Variants in PTPRD observed in about 807,000 individuals in gnomAD.
The protein encoded by PTPRD is receptor-type tyrosine-protein phosphatase delta.
In PTPRD, 34 loss-of-function variants were observed where a neutral mutation model predicts 214.5. The ratio of observed to expected loss-of-function variants is 0.16; its 90% CI spans 0.12 to 0.21. The LOEUF is 0.21. PTPRD is among the 10% of genes least tolerant of loss of function. The pLI is 1.00. For missense variants in PTPRD, 2,545 were observed against 2,398.7 expected (o/e 1.06, Z -1.27); for synonymous variants, 1,128 against 845.7 (o/e 1.33, Z -5.79).
intron 14 of PTPRD, among the ~76,000 whole-genome samples, chr9:8,575,468 T>C (rs1378040943): frequency 6.6e-6 from 1 of 152,140 alleles, no homozygotes; most frequent in Non-Finnish European, 1.5e-5. Context: ...TCTTTGCCTG[T>C]TGCTGTCTTA....
At chr9:9,925,669 G>T (rs1176428844) in intron 5 of PTPRD, among the ~76,000 whole-genome samples, 1 of 151,652 alleles carries the variant, frequency 6.6e-6, no homozygotes, top group African/African-American at 2.4e-5. Context: ...TAACTAAACT[G>T]AGATTATTCC....
chr9:9,552,306 C>T (rs1041657284), intron 8 of PTPRD, among the ~76,000 whole-genome samples: 1 of 151,926 alleles, frequency 6.6e-6, no homozygotes, highest in African/African-American at 2.4e-5. Context: ...TCAAGTCAGT[C>T]ATTGTTTTTG....
intron 10 of PTPRD, among the ~76,000 whole-genome samples, chr9:9,076,911 T>A (rs565836650): frequency 1.8e-4 from 27 of 152,100 alleles, no homozygotes; most frequent in African/African-American, 6.3e-4. Flanking sequence ...CTAATTTACA[T>A]TCCTACCAAC....
intron 10 of PTPRD, among the ~76,000 whole-genome samples, chr9:9,156,656 T>G (rs1054455480): frequency 2.0e-5 from 3 of 152,102 alleles, no homozygotes; most frequent in Non-Finnish European, 4.4e-5. Flanking sequence ...GTATTTTTGC[T>G]CACATCAAAA....
chr9:10,093,335 T>C (rs1382254489), intron 3 of PTPRD, among the ~76,000 whole-genome samples: 2 of 151,186 alleles, frequency 1.3e-5, no homozygotes, highest in Non-Finnish European at 3.0e-5. Context: ...CCAACAAACA[T>C]GAAAAAAATC....
chr9:10,277,932 G>A (rs1403534037), intron 3 of PTPRD, among the ~76,000 whole-genome samples: 1 of 152,156 alleles, frequency 6.6e-6, no homozygotes, highest in Non-Finnish European at 1.5e-5. Context: ...GGTGAGGCGG[G>A]CGGATCATGA....
In PTPRD at chr9:10,494,697, C is replaced by T. The variant is rs1049684471; in HGVS notation, c.-600+117701G>A. On this transcript the variant is annotated intron_variant, in intron 2 of 45. Coordinates refer to ENST00000381196, the MANE Select transcript of PTPRD (RefSeq NM_002839.4). The stretch of plus-strand genomic sequence containing the variant: ...TAAAACTTAAAAAAATTTTCTATTA[C>T]GGTATAAATGTAAGATGTTATTTAA... Among the ~76,000 whole-genome samples the T allele has an allele frequency of 5.2e-4, 77 of 149,146 alleles. 1 individual carries two copies. Among genetic ancestry groups the T allele is most frequent in the African/African-American group, 1.6e-3 (66 of 40,738 alleles).
chr9:8,375,491 G>T (rs2134745173), intron 39 of PTPRD, among the ~76,000 whole-genome samples: 1 of 152,072 alleles, frequency 6.6e-6, no homozygotes, highest in East Asian at 1.9e-4. Context: ...TAAGCAATAA[G>T]ATAGTCTCCC....
intron 5 of PTPRD, among the ~76,000 whole-genome samples, chr9:9,831,353 C>T (rs1055894557): frequency 6.6e-6 from 1 of 151,882 alleles, no homozygotes; most frequent in Non-Finnish European, 1.5e-5. Flanking sequence ...AAATTAAATC[C>T]TATTACTTAT....
intron 2 of PTPRD, among the ~76,000 whole-genome samples, chr9:10,564,716 T>A (rs914312529): frequency 1.3e-5 from 2 of 152,186 alleles, no homozygotes; most frequent in African/African-American, 4.8e-5. Context: ...CCTTTTGCTG[T>A]TCTAGCCTTT....
chr9:9,075,976 A>G (rs990660075), intron 10 of PTPRD, among the ~76,000 whole-genome samples: 6 of 152,132 alleles, frequency 3.9e-5, no homozygotes, highest in African/African-American at 1.4e-4. Context: ...GATCCTAGAG[A>G]AATCGCCATA....
At chr9:8,608,557 C>G (rs914248603) in intron 14 of PTPRD, among the ~76,000 whole-genome samples, 1 of 152,000 alleles carries the variant, frequency 6.6e-6, no homozygotes, top group Non-Finnish European at 1.5e-5. Flanking sequence ...TCTCCCATAT[C>G]TTCTTATGGC....
At chr9:9,768,572 G>A (rs2098725240) in intron 5 of PTPRD, among the ~76,000 whole-genome samples, 1 of 151,794 alleles carries the variant, frequency 6.6e-6, no homozygotes, top group Admixed American at 6.6e-5. Flanking sequence ...AAAAATGGCA[G>A]TACTTTTTTT....
chr9:10,222,034 C>G (rs886713408), intron 3 of PTPRD, among the ~76,000 whole-genome samples: 4 of 151,878 alleles, frequency 2.6e-5, no homozygotes, highest in African/African-American at 9.7e-5. Flanking sequence ...AAAATGCCAG[C>G]TAAACTTTCA....
chr9:9,973,414 G>A (rs1357112859), intron 4 of PTPRD, among the ~76,000 whole-genome samples: 1 of 151,870 alleles, frequency 6.6e-6, no homozygotes, highest in Non-Finnish European at 1.5e-5. Flanking sequence ...AGAGTTTTCA[G>A]TGAGCTGAAA....
intron 2 of PTPRD, among the ~76,000 whole-genome samples, chr9:10,383,335 T>C (rs1339870113): frequency 6.6e-6 from 1 of 151,994 alleles, no homozygotes; most frequent in East Asian, 1.9e-4. Context: ...ATGCCTTTAA[T>C]TAAAATCACC....
intron 8 of PTPRD, among the ~76,000 whole-genome samples, chr9:9,564,527 C>T (rs828840): frequency 0.15 from 22,288 of 151,976 alleles, 1,626 homozygotes; most frequent in African/African-American, 0.18. Flanking sequence ...ACACTTTTAT[C>T]AGATTTACTA....
chr9:8,496,324 T>G (rs557423682), intron 26 of PTPRD, among the ~76,000 whole-genome samples: 2 of 152,118 alleles, frequency 1.3e-5, no homozygotes, highest in Non-Finnish European at 2.9e-5. Context: ...TCTGAATTCA[T>G]AGCTTTTATT....
intron 5 of PTPRD, among the ~76,000 whole-genome samples, chr9:9,786,467 A>G (rs1309443340): frequency 6.6e-6 from 1 of 152,244 alleles, no homozygotes; most frequent in Non-Finnish European, 1.5e-5. Flanking sequence ...AAATTACCAC[A>G]TAATCAGCAT....
Sources: allele counts gnomAD v4.1 joint callset (sites outside exome capture counted in the v4.1 genomes callset), GRCh38; gene constraint gnomAD v4.1.1; transcripts MANE v1.5; gene names NCBI Gene and HGNC (gene_info 2026-07-23, HGNC 2026-07-21).